DOK6: variants seen among roughly 807,000 people sequenced by gnomAD.
DOK6 encodes the protein downstream of tyrosine kinase 6.
Under a neutral mutation model 44.0 loss-of-function variants are expected in DOK6, and 22 were observed. That is an observed-to-expected ratio of 0.50 (90% CI 0.36 to 0.71). The LOEUF is 0.71. Among genes scored for constraint, DOK6 ranks in the 30% least tolerant of loss-of-function variants. DOK6 has a pLI of 0.00. For missense variants in DOK6, 340 were observed against 416.4 expected (o/e 0.82, Z 1.60); for synonymous variants, 166 against 145.5 (o/e 1.14, Z -1.01).
chr18:69,437,567 C>T (rs1485198868), intron 1 of DOK6, among the ~76,000 whole-genome samples: 8 of 152,164 alleles, frequency 5.3e-5, no homozygotes, highest in Non-Finnish European at 1.0e-4. Flanking sequence ...GTTTTGGTTA[C>T]TGTAGCCTTG....
chr18:69,655,761 C>CA lies in DOK6; in HGVS notation c.290-21951dup, dbSNP rs74175379. Among the ~76,000 whole-genome samples, 65 of 43,152 alleles carry CA rather than the reference C, an allele frequency of 1.5e-3. 1 individual carries two copies. Among genetic ancestry groups the CA allele is most frequent in the African/African-American group, 6.0e-3 (56 of 9,402 alleles). 28.3% of individuals were successfully genotyped at this position (43,152 alleles called of 152,430 possible). ...GAGCGAGACTCCTTCCCCCACCCCT[C>CA]AAAAAAAAAAAAAAAAAAAAAACAA... is the stretch of plus-strand genomic sequence containing the variant. On this transcript the variant is annotated intron_variant, in intron 3 of 7. Transcript: ENST00000382713.
At chr18:69,696,693 TA>T (rs1986397555) in intron 4 of DOK6, among the ~76,000 whole-genome samples, 1 of 152,206 alleles carries the variant, frequency 6.6e-6, no homozygotes, top group Non-Finnish European at 1.5e-5. Context: ...TATTCCTGTG[TA>T]AAACCTTTGG....
At chr18:69,590,586 T>G (rs1983600497) in intron 2 of DOK6, among the ~76,000 whole-genome samples, 1 of 152,172 alleles carries the variant, frequency 6.6e-6, no homozygotes, top group African/African-American at 2.4e-5. Flanking sequence ...AGCAACTAAA[T>G]CATGGAAAGC....
intron 1 of DOK6, among the ~76,000 whole-genome samples, chr18:69,472,292 G>T (rs9952684): frequency 0.24 from 35,832 of 152,112 alleles, 4,370 homozygotes; most frequent in South Asian, 0.38. Context: ...AAGGTAAGGT[G>T]ACTGCGCACA....
At chr18:69,556,758 A>G (rs1599190174) in intron 1 of DOK6, among the ~76,000 whole-genome samples, 2 of 152,228 alleles carry the variant, frequency 1.3e-5, no homozygotes, top group Non-Finnish European at 2.9e-5. Context: ...TATCTATTTA[A>G]CAGCCATTAA....
chr18:69,673,226 G>C (rs1985846765), intron 3 of DOK6, among the ~76,000 whole-genome samples: 1 of 116,422 alleles, frequency 8.6e-6, no homozygotes, highest in Non-Finnish European at 1.9e-5. Context: ...CATATTTTCT[G>C]TGTGTATATA....
chr18:69,442,413 CCTT>C (rs1212610525), intron 1 of DOK6, among the ~76,000 whole-genome samples: 1 of 152,088 alleles, frequency 6.6e-6, no homozygotes, highest in Non-Finnish European at 1.5e-5. Context: ...GCAAACACAT[CCTT>C]CTTCACATGG....
chr18:69,753,531 T>C (rs573756516), intron 6 of DOK6, among the ~76,000 whole-genome samples: 15 of 152,326 alleles, frequency 9.8e-5, no homozygotes, highest in African/African-American at 3.6e-4. Flanking sequence ...CTACTCTTTC[T>C]AGATGCTAAC....
intron 1 of DOK6, among the ~76,000 whole-genome samples, chr18:69,512,943 C>T (rs927895876): frequency 2.6e-5 from 4 of 152,156 alleles, no homozygotes; most frequent in South Asian, 2.1e-4. Context: ...TGTCACATTT[C>T]GTTAGTGTGA....
At chr18:69,799,073 A>C (rs1479127241) in intron 7 of DOK6, among the ~76,000 whole-genome samples, 1 of 152,108 alleles carries the variant, frequency 6.6e-6, no homozygotes, top group Non-Finnish European at 1.5e-5. Context: ...ACCCTAGTAC[A>C]TAAAAAACTT....
chr18:69,814,805 C>T (rs1043372794), intron 7 of DOK6, among the ~76,000 whole-genome samples: 1 of 152,034 alleles, frequency 6.6e-6, no homozygotes, highest in East Asian at 1.9e-4. Flanking sequence ...CCCCATGGTT[C>T]GGGCACTTTC....
intron 2 of DOK6, among the ~76,000 whole-genome samples, chr18:69,566,417 C>T (rs969714494): frequency 7.2e-5 from 11 of 152,108 alleles, no homozygotes; most frequent in East Asian, 3.9e-4. Flanking sequence ...ATTACAGGCG[C>T]GAACCACCGC....
chr18:69,517,913 A>G (rs1981577129), intron 1 of DOK6, among the ~76,000 whole-genome samples: 1 of 151,948 alleles, frequency 6.6e-6, no homozygotes, highest in African/African-American at 2.4e-5. Context: ...CTCTACATCA[A>G]CTTTCACACA....
chr18:69,835,440 G>C (rs1362588374), intron 7 of DOK6, among the ~76,000 whole-genome samples: 1 of 151,424 alleles, frequency 6.6e-6, no homozygotes, highest in Non-Finnish European at 1.5e-5. Flanking sequence ...ACTCCAGCCT[G>C]GGCGACAGAA....
rs183784986 is a variant in DOK6, at chr18:69,631,476, C to T, written c.289+31978C>T. 1.2e-4 allele frequency among the ~76,000 whole-genome samples: 19 copies of T among 152,278 alleles called. No homozygotes were observed. In the East Asian group the frequency reaches 2.5e-3, roughly 20 times the overall value. On this transcript the variant is annotated intron_variant, in intron 3 of 7. Coordinates refer to ENST00000382713, the MANE Select transcript of DOK6 (RefSeq NM_152721.6). ...CACCTAACATGAAACTCCAACTTTA[C>T]CCATCTGTCACTGTTCAACCTCAGT...
chr18:69,848,188 G>A lies in DOK6; in HGVS notation c.*6805G>A, dbSNP rs2145147651. ...GAATCTCTAAAATATATTAAATAAT[G>A]TGTTATATATTTGCTTTTTGTAAAT... On this transcript the variant is annotated 3_prime_UTR_variant, in exon 8 of 8. Transcript: ENST00000382713. 1 of 152,070 alleles carries A rather than the reference G, an allele frequency of 6.6e-6. No individual in the cohort carries two copies. The highest frequency in any genetic ancestry group is 2.4e-5 in the African/African-American group (1 of 41,486). 9.4% of individuals were successfully genotyped at this position (152,070 alleles called of 1,614,324 possible). A position where few individuals can be genotyped will look rare whatever the true frequency, so the allele number is the denominator to read the frequency against.
chr18:69,728,226 T>C (rs1423611882), intron 5 of DOK6, among the ~76,000 whole-genome samples: 2 of 152,240 alleles, frequency 1.3e-5, no homozygotes, highest in Non-Finnish European at 2.9e-5. Context: ...TTAGCTCACC[T>C]ATCTAGAGAC....
At chr18:69,434,737 C>G (rs1978901427) in intron 1 of DOK6, among the ~76,000 whole-genome samples, 2 of 148,130 alleles carry the variant, frequency 1.4e-5, no homozygotes, top group Non-Finnish European at 3.0e-5. Flanking sequence ...TTCTGGCCGA[C>G]ATGGTGAAAC....
chr18:69,469,832 C>T (rs1225644959), intron 1 of DOK6: 3 of 216,454 alleles, frequency 1.4e-5, no homozygotes, highest in Non-Finnish European at 2.9e-5. Flanking sequence ...GTGCCACTGG[C>T]TCCTGCAGCT....
Sources: gnomAD v4.1 joint callset for allele counts (sites outside exome capture counted in the v4.1 genomes callset) on GRCh38, gnomAD v4.1.1 for gene constraint, MANE v1.5 for transcripts, NCBI Gene and HGNC (gene_info 2026-07-23, HGNC 2026-07-21) for gene names.